Variants in CEMIP observed in about 807,000 individuals in gnomAD.
CEMIP encodes cell migration-inducing and hyaluronan-binding protein.
In CEMIP, 105 loss-of-function variants were observed where a neutral mutation model predicts 156.9. The ratio of observed to expected loss-of-function variants is 0.67; its 90% CI spans 0.57 to 0.79. CEMIP has a LOEUF of 0.79. Among genes scored for constraint, CEMIP ranks in the 30% least tolerant of loss-of-function variants. The probability of loss-of-function intolerance (pLI) is 0.00; values close to 1 mark genes in which losing one functional copy is unlikely to be tolerated. For missense variants in CEMIP, 1,457 were observed against 1,769.4 expected, an observed-to-expected ratio of 0.82 and a Z score of 3.17; for synonymous variants, 676 against 668.4, an observed-to-expected ratio of 1.01 and a Z score of -0.17.
chr15:80,905,099 G>C (rs28447668), intron 12 of CEMIP, among the ~76,000 whole-genome samples: 7,438 of 152,258 alleles, frequency 0.049, 604 homozygotes, highest in African/African-American at 0.17. Context: ...CTGTGGAGGA[G>C]AGAGCAGGAC....
intron 23 of CEMIP, among the ~76,000 whole-genome samples, chr15:80,934,540 G>A (rs1184189870): frequency 3.9e-5 from 6 of 152,330 alleles, no homozygotes; most frequent in South Asian, 2.1e-4. Flanking sequence ...GAGCCAGGTC[G>A]TCTCAGAGAA....
At chr15:80,899,465 G>C (rs1899375290) in intron 12 of CEMIP, among the ~76,000 whole-genome samples, 1 of 152,140 alleles carries the variant, frequency 6.6e-6, no homozygotes, top group African/African-American at 2.4e-5. Context: ...AGGGAGATTT[G>C]GCAAAGACAG....
chr15:80,846,882 T>G (rs1897574797), intron 1 of CEMIP, among the ~76,000 whole-genome samples: 1 of 152,220 alleles, frequency 6.6e-6, no homozygotes, highest in African/African-American at 2.4e-5. Flanking sequence ...CTCAGTGGTT[T>G]CCATTTCCTG....
At chr15:80,828,857 C>T (rs2141672646) in intron 1 of CEMIP, among the ~76,000 whole-genome samples, 1 of 152,340 alleles carries the variant, frequency 6.6e-6, no homozygotes, top group South Asian at 2.1e-4. Flanking sequence ...GGCTGCAATG[C>T]TTCCAATGGC....
intron 1 of CEMIP, among the ~76,000 whole-genome samples, chr15:80,798,270 G>T (rs576465947): frequency 6.6e-6 from 1 of 152,120 alleles, no homozygotes; most frequent in East Asian, 1.9e-4. Context: ...TACCTTATAC[G>T]TAACACATCT....
intron 1 of CEMIP, among the ~76,000 whole-genome samples, chr15:80,813,349 GATTT>G (rs752577068): frequency 0.025 from 3,531 of 138,910 alleles, 70 homozygotes; most frequent in Non-Finnish European, 0.039. Context: ...CAGCAGTACG[GATTT>G]TTTTTTTTTT....
chr15:80,805,485 C>A (rs886137640), intron 1 of CEMIP, among the ~76,000 whole-genome samples: 21 of 152,180 alleles, frequency 1.4e-4, no homozygotes, highest in African/African-American at 4.8e-4. Context: ...AGCTGCCTGC[C>A]TTCCCTTTGG....
At chr15:80,844,791 G>T (rs1055717680) in intron 1 of CEMIP, among the ~76,000 whole-genome samples, 2 of 152,214 alleles carry the variant, frequency 1.3e-5, no homozygotes, top group African/African-American at 4.8e-5. Flanking sequence ...GAAACACAGC[G>T]AAGATTGGGG....
At chr15:80,897,471 A>C in intron 12 of CEMIP, 1 of 396,410 alleles carries the variant, frequency 2.5e-6, no homozygotes, top group African/African-American at 2.1e-5. Flanking sequence ...CTGTGATGTC[A>C]GGGTGCCCAC....
intron 1 of CEMIP, among the ~76,000 whole-genome samples, chr15:80,840,617 G>T (rs571177603): frequency 2.0e-5 from 3 of 152,310 alleles, no homozygotes; most frequent in African/African-American, 7.2e-5. Flanking sequence ...CGTGCAGGGG[G>T]AAACTGCAGG....
intron 1 of CEMIP, among the ~76,000 whole-genome samples, chr15:80,867,765 C>T (rs1482123531): frequency 6.6e-6 from 1 of 152,162 alleles, no homozygotes; most frequent in East Asian, 1.9e-4. Flanking sequence ...TCCTTCTTCT[C>T]TCTAGGGATA....
chr15:80,894,086 T>C (rs958325335), intron 10 of CEMIP, among the ~76,000 whole-genome samples: 2 of 152,164 alleles, frequency 1.3e-5, no homozygotes, highest in Non-Finnish European at 2.9e-5. Flanking sequence ...CAGCCAGCCC[T>C]CATCCACTGA....
At chr15:80,925,787 A>T (rs1425871497) in intron 19 of CEMIP, 32 bp downstream of exon 19, 2 of 1,606,136 alleles carry the variant, frequency 1.2e-6, no homozygotes, top group African/African-American at 2.7e-5. Context: ...CTTTGGCACA[A>T]AGGGGGCATG....
chr15:80,908,463 ATGGTAGG>A (rs1310126913), intron 13 of CEMIP, among the ~76,000 whole-genome samples: 1 of 152,110 alleles, frequency 6.6e-6, no homozygotes, highest in Admixed American at 6.6e-5. Flanking sequence ...CTGTGTTTTC[ATGGTAGG>A]CACCCTGGAG....
intron 14 of CEMIP, among the ~76,000 whole-genome samples, chr15:80,915,619 A>G (rs1260968211): frequency 5.3e-5 from 8 of 152,106 alleles, no homozygotes; most frequent in Admixed American, 6.5e-5. Context: ...ACACTAAGAG[A>G]TGGAGTAACA....
chr15:80,814,236 A>G (rs1045096450), intron 1 of CEMIP, among the ~76,000 whole-genome samples: 2 of 151,784 alleles, frequency 1.3e-5, no homozygotes, highest in African/African-American at 4.8e-5. Flanking sequence ...TTTTTAGTAG[A>G]GACGGGGTTT....
At chr15:80,864,225 G>T (rs74030623) in intron 1 of CEMIP, among the ~76,000 whole-genome samples, 1,897 of 152,292 alleles carry the variant, frequency 0.012, 46 homozygotes, top group African/African-American at 0.043. Context: ...TTTGCCTAGA[G>T]CCCAGTGAGG....
chr15:80,940,559 G>C (rs1052356530), intron 25 of CEMIP, among the ~76,000 whole-genome samples: 7 of 152,188 alleles, frequency 4.6e-5, no homozygotes, highest in African/African-American at 1.7e-4. Flanking sequence ...ATGGAATGCA[G>C]ATATGGCTGC....
At chr15:80,918,451 T>C (rs1052841623) in intron 14 of CEMIP, among the ~76,000 whole-genome samples, 4 of 152,092 alleles carry the variant, frequency 2.6e-5, no homozygotes, top group Non-Finnish European at 4.4e-5. Flanking sequence ...TGGCATCTAA[T>C]AGGTAGAGGC....
Sources: gnomAD v4.1 joint callset for allele counts (sites outside exome capture counted in the v4.1 genomes callset) on GRCh38, gnomAD v4.1.1 for gene constraint, MANE v1.5 for transcripts, NCBI Gene and HGNC (gene_info 2026-07-23, HGNC 2026-07-21) for gene names.